Variants in SEMA5A observed in about 807,000 individuals in gnomAD.
SEMA5A encodes the protein semaphorin-5A.
SEMA5A carries 55 observed loss-of-function variants against 135.5 expected under a neutral mutation model. That is an observed-to-expected ratio of 0.41 (90% CI 0.33 to 0.51). The LOEUF is 0.51. Among genes scored for constraint, SEMA5A ranks in the 20% least tolerant of loss-of-function variants. The probability of loss-of-function intolerance (pLI) is 0.37; values close to 1 mark genes in which losing one functional copy is unlikely to be tolerated. For missense variants in SEMA5A, 1,290 were observed against 1,419.9 expected (o/e 0.91, Z 1.47); for synonymous variants, 580 against 546.5 (o/e 1.06, Z -0.85).
At chr5:9,282,265 C>T (rs956044746) in intron 5 of SEMA5A, among the ~76,000 whole-genome samples, 3 of 152,076 alleles carry the variant, frequency 2.0e-5, no homozygotes, top group African/African-American at 7.2e-5. Context: ...CAAAAACACA[C>T]CAAATAGAAG....
At chr5:9,101,124 C>T (rs947206382) in intron 16 of SEMA5A, among the ~76,000 whole-genome samples, 13 of 152,186 alleles carry the variant, frequency 8.5e-5, no homozygotes, top group African/African-American at 2.9e-4. Context: ...TTAGTTAGAA[C>T]CATTCACTTT....
chr5:9,483,325 T>G (rs1043867757), intron 1 of SEMA5A, among the ~76,000 whole-genome samples: 3 of 152,140 alleles, frequency 2.0e-5, no homozygotes, highest in Non-Finnish European at 4.4e-5. Context: ...AACTTCTCAG[T>G]AAGGGAAAGA....
intron 20 of SEMA5A, 29 bp from the exon 21 acceptor site, chr5:9,050,486 T>C (rs771312998): frequency 6.3e-7 from 1 of 1,599,878 alleles, no homozygotes; most frequent in Non-Finnish European, 8.5e-7. Context: ...AATCACAATG[T>C]GTAAAAGGTG....
chr5:9,238,347 T>C (rs934984422), intron 5 of SEMA5A, among the ~76,000 whole-genome samples: 3 of 152,210 alleles, frequency 2.0e-5, no homozygotes, highest in Admixed American at 6.5e-5. Flanking sequence ...TGAAGGATGA[T>C]TTTGCATATC....
intron 3 of SEMA5A, among the ~76,000 whole-genome samples, chr5:9,352,452 G>A (rs1023068658): frequency 2.6e-5 from 4 of 152,012 alleles, no homozygotes; most frequent in African/African-American, 9.7e-5. Flanking sequence ...ATTTTGCTAT[G>A]TTGCCCAGGC....
At chr5:9,466,242 A>G (rs1003198833) in intron 1 of SEMA5A, among the ~76,000 whole-genome samples, 1 of 151,436 alleles carries the variant, frequency 6.6e-6, no homozygotes, top group Admixed American at 6.6e-5. Flanking sequence ...AGGGGGAGGG[A>G]TAGCATTAGG....
Position 9,118,979 on chromosome 5 carries a change from C to A in SEMA5A, c.1925+19G>T. On this transcript the variant is annotated intron_variant, in intron 15 of 22. Transcript: ENST00000382496. ...GTAAGCGTGAGGCTGGCGGTGCTGG[C>A]AGCAGGGTGGGCACGTACCTTTCCT... The A allele has an allele frequency of 6.2e-7, 1 of 1,608,718 alleles. No individual in the cohort carries two copies. The highest frequency in any genetic ancestry group is 8.5e-7 in the Non-Finnish European group (1 of 1,177,432).
intron 8 of SEMA5A, among the ~76,000 whole-genome samples, chr5:9,221,717 T>A (rs112096244): frequency 6.6e-6 from 1 of 152,088 alleles, no homozygotes; most frequent in African/African-American, 2.4e-5. Flanking sequence ...CGAAAATTAC[T>A]CCAGAACACA....
chr5:9,054,021 C>T lies in SEMA5A; in HGVS notation c.2689+66G>A, dbSNP rs570828629. 7.9e-6 allele frequency: 12 copies of T among 1,516,932 alleles called. No homozygotes were observed. The South Asian group carries it at 1.3e-4, about 16-fold the overall frequency. 94.0% of individuals were successfully genotyped at this position (1,516,932 alleles called of 1,614,324 possible). The stretch of plus-strand genomic sequence containing the variant: ...CATGATGCAGTATCATCAATTACAC[C>T]ATTTATCCATTAAGGAAAGAGGCCA... On this transcript the variant is annotated intron_variant, in intron 19 of 22. Coordinates refer to ENST00000382496, the MANE Select transcript of SEMA5A (RefSeq NM_003966.3).
At chr5:9,493,322 T>C (rs1423238232) in intron 1 of SEMA5A, among the ~76,000 whole-genome samples, 2 of 151,202 alleles carry the variant, frequency 1.3e-5, no homozygotes, top group Admixed American at 6.6e-5. Context: ...ATTATATATA[T>C]ATAAGCATAC....
At chr5:9,111,805 A>G (rs942600302) in intron 15 of SEMA5A, among the ~76,000 whole-genome samples, 4 of 152,210 alleles carry the variant, frequency 2.6e-5, no homozygotes, top group African/African-American at 9.6e-5. Context: ...TGGATCCTAC[A>G]CAATTGTGAG....
At chr5:9,132,301 G>A (rs922727893) in intron 13 of SEMA5A, among the ~76,000 whole-genome samples, 1 of 152,140 alleles carries the variant, frequency 6.6e-6, no homozygotes, top group South Asian at 2.1e-4. Context: ...TGGCCTGAAT[G>A]TGCTCCTTCC....
At position 9,066,197 on chromosome 5, in the gene SEMA5A, G is replaced by T. The variant is rs568026276; in HGVS notation, c.2299+224C>A. Among the ~76,000 whole-genome samples, 57 of 152,148 alleles carry T rather than the reference G, an allele frequency of 3.7e-4. 1 individual carries two copies. The highest frequency in any genetic ancestry group is 7.1e-4 in the Non-Finnish European group (48 of 68,018). ...ATAATAAATATAGTGTTATCTGGGG[G>T]CCTGATTTCATAGTATCACTTCAAT... is the stretch of plus-strand genomic sequence containing the variant. On this transcript the variant is annotated intron_variant, in intron 17 of 22. Coordinates refer to ENST00000382496, the MANE Select transcript of SEMA5A (RefSeq NM_003966.3).
At chr5:9,291,874 T>C (rs1212068587) in intron 5 of SEMA5A, among the ~76,000 whole-genome samples, 1 of 151,890 alleles carries the variant, frequency 6.6e-6, no homozygotes. Flanking sequence ...GTGGTGCTGA[T>C]TAGGTAGCAA....
At chr5:9,178,998 C>T (rs1560992791) in intron 11 of SEMA5A, among the ~76,000 whole-genome samples, 1 of 152,060 alleles carries the variant, frequency 6.6e-6, no homozygotes, top group Admixed American at 6.6e-5. Context: ...TTTGAATGTC[C>T]CTCTGTAGAA....
chr5:9,136,217 G>A (rs1741733507), intron 13 of SEMA5A, among the ~76,000 whole-genome samples: 1 of 144,750 alleles, frequency 6.9e-6, no homozygotes, highest in Non-Finnish European at 1.5e-5. Flanking sequence ...ACTCTGGAGG[G>A]GGAAAAAAAA....
chr5:9,040,641 GGTTT>G lies in SEMA5A; in HGVS notation c.*2252_*2255del. 1 of 152,170 alleles carries G rather than the reference GGTTT, an allele frequency of 6.6e-6. No individual in the cohort carries two copies. The highest frequency in any genetic ancestry group is 1.9e-4 in the East Asian group (1 of 5,192). The allele number at this position is 152,170 out of a possible 1,614,324, so 9.4% of individuals were successfully genotyped here. On this transcript the variant is annotated 3_prime_UTR_variant, in exon 23 of 23. Transcript: ENST00000382496. ...ATTCTTTTGCAATGCTAATTTCAAA[GGTTT>G]GTTTATATTATTAACAACATGAAGA...
At position 9,256,790 on chromosome 5, in the gene SEMA5A, C is replaced by T. The variant is rs1245242193; in HGVS notation, c.271-18900G>A. On this transcript the variant is annotated intron_variant, in intron 5 of 22. Transcript: ENST00000382496. ...GGAGTTTGAAATGAGTTTACTTTTGCAAACTTCTGTCTGAAGGTAGGAATT... is the reference window on the plus strand; with the variant it reads ...GGAGTTTGAAATGAGTTTACTTTTGTAAACTTCTGTCTGAAGGTAGGAATT... 5.3e-5 allele frequency among the ~76,000 whole-genome samples: 8 copies of T among 152,150 alleles called. No individual in the cohort carries two copies. In the East Asian group the frequency reaches 1.5e-3, roughly 29 times the overall value.
chr5:9,217,746 G>A lies in SEMA5A; in HGVS notation c.646+6928C>T, dbSNP rs1746714717. ...CTTATTTCACAGAACCAGTCTTCAAGCTCTGAGATTCTTTCCTCAGCTTGG... is the reference window on the plus strand; with the variant it reads ...CTTATTTCACAGAACCAGTCTTCAAACTCTGAGATTCTTTCCTCAGCTTGG... On this transcript the variant is annotated intron_variant, in intron 8 of 22. Transcript: ENST00000382496. Among the ~76,000 whole-genome samples, 5 of 152,190 alleles carry A rather than the reference G, an allele frequency of 3.3e-5. No homozygotes were observed. In the South Asian group the frequency reaches 1.0e-3, roughly 32 times the overall value.
Sources: allele counts gnomAD v4.1 joint callset (sites outside exome capture counted in the v4.1 genomes callset), GRCh38; gene constraint gnomAD v4.1.1; transcripts MANE v1.5; gene names NCBI Gene and HGNC (gene_info 2026-07-23, HGNC 2026-07-21).